Variants in DHX38 observed in about 807,000 individuals in gnomAD.
DHX38 encodes DEAH-box helicase 38.
Under a neutral mutation model 153.1 loss-of-function variants are expected in DHX38, and 100 were observed. The observed-to-expected ratio is 0.65, with a 90% CI of 0.56 to 0.77. The LOEUF (loss-of-function observed/expected upper bound fraction) is 0.77. DHX38 is among the 30% of genes least tolerant of loss of function. DHX38 has a pLI of 0.00. For synonymous variants in DHX38, 650 were observed against 631.7 expected, an observed-to-expected ratio of 1.03 and a Z score of -0.43; for missense variants, 1,440 against 1,654.0, an observed-to-expected ratio of 0.87 and a Z score of 2.24.
Position 72,105,522 on chromosome 16 carries a change from A to G in DHX38, c.2385A>G (p.Pro795=), listed in dbSNP as rs754843567. 5 of 1,614,098 alleles carry G rather than the reference A, an allele frequency of 3.1e-6. No homozygotes were observed. The highest frequency in any genetic ancestry group is 1.3e-5 in the African/African-American group (1 of 74,924). ...DLQAKIFQKA[P]DGVRKCIVAT... ...TCCTGTATGTCCTGCTCTAGGCTCC[A>G]GATGGCGTTCGGAAGTGCATCGTTG... is the stretch of plus-strand genomic sequence containing the variant. The change falls in exon 18 of 27, where the codon CCA becomes CCG. Residue 795 remains proline, a synonymous_variant. Transcript: ENST00000268482.
At position 72,099,207 on chromosome 16, in the gene DHX38, G is replaced by T; in HGVS notation, c.887G>T (p.Arg296Ile). 1 of 1,610,712 alleles carries T rather than the reference G, an allele frequency of 6.2e-7. No homozygotes were observed. The change falls in exon 7 of 27, where the codon AGA becomes ATA. Residue 296 changes from arginine to isoleucine, a missense_variant. Physicochemically the swap from Arg to Ile is moderately conservative, Grantham distance 97. Transcript: ENST00000268482. ...STPRLSRGRG[R>I]REEGEEGISF... Reference sequence around the variant, plus strand: ...CCTGCTTCCTGTGCTCCTCCAGGAAGACGTGAGGAGGGCGAAGAAGGAATT... The same window carrying T: ...CCTGCTTCCTGTGCTCCTCCAGGAATACGTGAGGAGGGCGAAGAAGGAATT...
chr16:72,104,797 TGC>T lies in DHX38; in HGVS notation c.2151+172_2151+173del, dbSNP rs1488088275. 3.9e-5 allele frequency among the ~76,000 whole-genome samples: 6 copies of T among 152,178 alleles called. No individual in the cohort carries two copies. The highest frequency in any genetic ancestry group is 1.4e-4 in the African/African-American group (6 of 41,452). On this transcript the variant is annotated intron_variant, in intron 15 of 26. Coordinates refer to ENST00000268482, the MANE Select transcript of DHX38 (RefSeq NM_014003.4). The surrounding 1 kb of genome is among the most constrained non-coding windows in gnomAD (Gnocchi z 4.5). ...TCTGGGACTCGGGGACAAAGGACTC[TGC>T]TCTGGGTGAGGTTTTGTTTCATTAT...
At chr16:72,098,567 T>C in intron 4 of DHX38, 78 bp from the exon 5 acceptor site, 4 of 1,552,520 alleles carry the variant, frequency 2.6e-6, no homozygotes, top group African/African-American at 1.4e-5. Context: ...ATTTGGGGAA[T>C]TGACTTTTGG....
chr16:72,109,335 G>T (rs1168287785), intron 24 of DHX38, 80 bp from the exon 25 acceptor site: 83 of 1,493,116 alleles, frequency 5.6e-5, no homozygotes, highest in Non-Finnish European at 7.1e-5. Flanking sequence ...CCCTTCCCAT[G>T]TGGCTCCTAA....
At chr16:72,103,254 G>GT in intron 12 of DHX38, 43 bp downstream of exon 12, 1 of 1,598,000 alleles carries the variant, frequency 6.3e-7, no homozygotes, top group Admixed American at 1.7e-5. Context: ...CAAGTCAGGG[G>GT]TGCCCTTGGT....
At chr16:72,109,013 T>C (rs1005296840) in intron 24 of DHX38, 88 bp downstream of exon 24, 17 of 1,503,884 alleles carry the variant, frequency 1.1e-5, no homozygotes, top group Admixed American at 9.4e-5. Context: ...CATGAGCTTT[T>C]AGCCTGGGAG....
At chr16:72,108,416 G>A in intron 22 of DHX38, 34 bp downstream of exon 22, 1 of 1,613,782 alleles carries the variant, frequency 6.2e-7, no homozygotes, top group Non-Finnish European at 8.5e-7. Flanking sequence ...GTTGGGATGA[G>A]GGGAGGGTCG....
At chr16:72,095,647 A>G (rs960744780) in intron 1 of DHX38, among the ~76,000 whole-genome samples, 4 of 152,232 alleles carry the variant, frequency 2.6e-5, no homozygotes, top group Non-Finnish European at 5.9e-5. Context: ...GGATTAGATA[A>G]GGTAAAAATT....
intron 18 of DHX38, 38 bp downstream of exon 18, chr16:72,105,662 C>T (rs922191730): frequency 1.2e-6 from 2 of 1,605,264 alleles, no homozygotes; most frequent in Middle Eastern, 1.7e-4. Flanking sequence ...TGGGTGTTCA[C>T]CAGAAGCTAA....
intron 25 of DHX38, among the ~76,000 whole-genome samples, chr16:72,110,655 TG>T (rs1466174202): frequency 6.6e-6 from 1 of 152,232 alleles, no homozygotes; most frequent in Non-Finnish European, 1.5e-5. Flanking sequence ...ACATCTTCCC[TG>T]TTTTTCTGTA....
chr16:72,106,840 C>G (rs1456350768), intron 19 of DHX38, among the ~76,000 whole-genome samples: 1 of 152,118 alleles, frequency 6.6e-6, no homozygotes, highest in Non-Finnish European at 1.5e-5. Context: ...AAATAAAACC[C>G]AGCCATGATT....
At chr16:72,108,977 C>A (rs752316656) in intron 24 of DHX38, 52 bp downstream of exon 24, 3 of 1,539,426 alleles carry the variant, frequency 1.9e-6, no homozygotes, top group Non-Finnish European at 2.6e-6. Context: ...TCTGGCCAGG[C>A]TTTGAAACCC....
At chr16:72,101,333 G>A in intron 10 of DHX38, 140 bp downstream of exon 10, 1 of 1,158,746 alleles carries the variant, frequency 8.6e-7, no homozygotes, top group Non-Finnish European at 1.2e-6. Context: ...TGCGGGGCCT[G>A]GTGTTGGGAG....
chr16:72,108,858 G>T lies in DHX38; in HGVS notation c.3314G>T (p.Ser1105Ile), dbSNP rs1167350411. 6.2e-7 allele frequency: 1 copy of T among 1,614,066 alleles called. No individual in the cohort carries two copies. Among genetic ancestry groups the T allele is most frequent in the Non-Finnish European group, 8.5e-7 (1 of 1,180,008 alleles). ...ATGCCCTGCCACTTGCACCCCACCA[G>T]CTCCCTTTTTGGAATGGGCTACACC... is the stretch of plus-strand genomic sequence containing the variant. Reference protein sequence around the residue: ...TGMPCHLHPTSSLFGMGYTPD... With the variant: ...TGMPCHLHPTISLFGMGYTPD... The change falls in exon 24 of 27, where the codon AGC (serine) becomes ATC (isoleucine). Residue 1105 changes from serine to isoleucine, a missense_variant. Ser to Ile is a moderately radical substitution (Grantham distance 142, BLOSUM62 -2). This residue lies in a region of DHX38 where 543 missense variants were observed against 717.9 expected (regional missense o/e 0.76). Transcript: ENST00000268482.
chr16:72,098,628 T>C lies in DHX38; in HGVS notation c.617-17T>C. 6.2e-7 allele frequency: 1 copy of C among 1,612,688 alleles called. No individual in the cohort carries two copies. Among genetic ancestry groups the C allele is most frequent in the South Asian group, 1.1e-5 (1 of 91,028 alleles). On this transcript the variant is annotated splice_polypyrimidine_tract_variant and intron_variant, in intron 4 of 26. Transcript: ENST00000268482. ...TTAAGTGAGATGTTTCCTGTGGATG[T>C]GTCTTTTGTGGCCCAGATGCAGCCA...
At position 72,105,022 on chromosome 16, in the gene DHX38, T is replaced by C; in HGVS notation, c.2152-5T>C. On this transcript the variant is annotated splice_region_variant and splice_polypyrimidine_tract_variant and intron_variant, in intron 15 of 26. Transcript: ENST00000268482. ...CCTCTGACTGTGTCCCCACTGCTGT[T>C]GCAGACCCCACAGGAGGATTACGTG... is the stretch of plus-strand genomic sequence containing the variant. 6.2e-7 allele frequency: 1 copy of C among 1,613,750 alleles called. No individual in the cohort carries two copies. Among genetic ancestry groups the C allele is most frequent in the Non-Finnish European group, 8.5e-7 (1 of 1,179,820 alleles).
Position 72,112,419 on chromosome 16 carries a change from G to A in DHX38, c.3606G>A (p.Thr1202=), listed in dbSNP as rs755333613. ...KRSPLGSVRS[T]KIYTPGRKEQ... is the part of the protein sequence containing the mutation. ...TCTCCTGCTGTGTCTCCAGGTCTAC[G>A]AAGATCTACACTCCAGGCCGGAAAG... Residue 1202 remains threonine, a synonymous_variant, in exon 27 of 27, where the codon ACG becomes ACA. Coordinates refer to ENST00000268482, the MANE Select transcript of DHX38 (RefSeq NM_014003.4). 28 of 1,581,868 alleles carry A rather than the reference G, an allele frequency of 1.8e-5. No homozygotes were observed. The highest frequency in any genetic ancestry group is 2.3e-5 in the East Asian group (1 of 43,800).
chr16:72,106,467 A>G (rs2042180565), intron 19 of DHX38, among the ~76,000 whole-genome samples: 1 of 112,056 alleles, frequency 8.9e-6, no homozygotes, highest in Admixed American at 8.3e-5. Context: ...TTCCAATTAG[A>G]GACAGGGTCT....
intron 2 of DHX38, 85 bp downstream of exon 2, chr16:72,096,565 GT>G: frequency 6.8e-7 from 1 of 1,471,002 alleles, no homozygotes; most frequent in Non-Finnish European, 9.0e-7. Context: ...CAGTTTTCCT[GT>G]TGGAGATTTA....
Sources: gnomAD v4.1 joint callset for allele counts (sites outside exome capture counted in the v4.1 genomes callset) on GRCh38, gnomAD v4.1.1 for gene constraint, gnomAD v4.1.1 regional missense constraint, Gnocchi (gnomAD v3.1) non-coding constraint, MANE v1.5 for transcripts, NCBI Gene and HGNC (gene_info 2026-07-23, HGNC 2026-07-21) for gene names.